MOV10L1: variants seen among roughly 807,000 people sequenced by gnomAD.
MOV10L1 encodes the protein Mov10 like RNA helicase 1.
In MOV10L1, 110 loss-of-function variants were observed where a neutral mutation model predicts 143.8. That is an observed-to-expected ratio of 0.76 (90% CI 0.66 to 0.90). The LOEUF is 0.90. MOV10L1 is among the 40% of genes least tolerant of loss of function. The pLI is 0.00. For synonymous variants in MOV10L1, 593 were observed against 581.1 expected, an observed-to-expected ratio of 1.02 and a Z score of -0.29; for missense variants, 1,406 against 1,526.8, an observed-to-expected ratio of 0.92 and a Z score of 1.32.
chr22:50,133,114 G>A (rs527869297), intron 13 of MOV10L1, among the ~76,000 whole-genome samples: 8 of 152,026 alleles, frequency 5.3e-5, no homozygotes, highest in African/African-American at 9.6e-5. Flanking sequence ...GCCTTCCTGC[G>A]CTGGTTGGAA....
In MOV10L1 at chr22:50,150,788, C is replaced by T. The variant is rs201424465; in HGVS notation, c.2781C>T (p.Leu927=). 81 of 1,614,176 alleles carry T rather than the reference C, an allele frequency of 5.0e-5. 1 individual carries two copies. In the Middle Eastern group the frequency reaches 8.2e-4, roughly 16 times the overall value. ...TCGGCCCAGTCATTAAGTCCAGACT[C>T]GCCATGGCCTATGGGCTGAACGTGT... ...MQLGPVIKSR[L]AMAYGLNVSF... is the part of the protein sequence containing the mutation. Residue 927 remains leucine, a synonymous_variant, in exon 21 of 27, where the codon CTC becomes CTT. Coordinates refer to ENST00000262794, the MANE Select transcript of MOV10L1 (RefSeq NM_018995.3).
Position 50,090,024 on chromosome 22 carries a change from G to GAGCGGCGCGGGCGCGTGCGGGCGGCGGC in MOV10L1, c.-57_-30dup, listed in dbSNP as rs968785695. The GAGCGGCGCGGGCGCGTGCGGGCGGCGGC allele has an allele frequency of 2.6e-6, 3 of 1,144,362 alleles. No individual in the cohort carries two copies. Among genetic ancestry groups the GAGCGGCGCGGGCGCGTGCGGGCGGCGGC allele is most frequent in the Non-Finnish European group, 3.2e-6 (3 of 928,708 alleles). 70.9% of individuals were successfully genotyped at this position (1,144,362 alleles called of 1,614,324 possible). ...CGACCCCATTGGTGGCGGGCGGCGG[G>GAGCGGCGCGGGCGCGTGCGGGCGGCGGC]AGCGGCGCGGGCGCGTGCGGGCGGC... On this transcript the variant is annotated 5_prime_UTR_variant, in exon 1 of 27. Coordinates refer to ENST00000262794, the MANE Select transcript of MOV10L1 (RefSeq NM_018995.3).
chr22:50,114,504 T>C lies in MOV10L1; in HGVS notation c.1008T>C (p.Ser336=). 1 of 1,614,246 alleles carries C rather than the reference T, an allele frequency of 6.2e-7. No individual in the cohort carries two copies. The highest frequency in any genetic ancestry group is 8.5e-7 in the Non-Finnish European group (1 of 1,180,050). ...TGTGCCCCGTGGTATCTTTTGTTTC[T>C]GTTCCTGAGAAGGAGAATTCATCAG... The part of the protein sequence containing the change: ...DQMCPVVSFV[S]VPEKENSSDE... Residue 336 remains serine (S), a synonymous_variant, in exon 7 of 27, where the codon TCT becomes TCC. Coordinates refer to ENST00000262794, the MANE Select transcript of MOV10L1 (RefSeq NM_018995.3).
At chr22:50,132,618 A>T (rs1264288901) in intron 13 of MOV10L1, among the ~76,000 whole-genome samples, 1 of 152,232 alleles carries the variant, frequency 6.6e-6, no homozygotes, top group East Asian at 1.9e-4. Context: ...TCTAGTATTT[A>T]TAAAAAGCAA....
intron 8 of MOV10L1, among the ~76,000 whole-genome samples, chr22:50,116,009 C>T (rs955344410): frequency 1.3e-5 from 2 of 152,210 alleles, no homozygotes; most frequent in African/African-American, 4.8e-5. Context: ...AGGCCCTGTC[C>T]TCCAGCTCCC....
rs527420954 is a variant in MOV10L1 at position 50,092,227 on chromosome 22, G to A, written c.282+42G>A. 9.0e-6 allele frequency: 14 copies of A among 1,558,554 alleles called. No individual in the cohort carries two copies. In the South Asian group the frequency reaches 9.4e-5, roughly 10 times the overall value. On this transcript the variant is annotated intron_variant, in intron 2 of 26. Transcript: ENST00000262794. ...TTTGGGAACAGTTTTTCTTCGCCAC[G>A]GGACTTTGTGTTGTTTTTCCTTGTG...
intron 19 of MOV10L1, among the ~76,000 whole-genome samples, chr22:50,147,566 C>T (rs540447801): frequency 0.022 from 3,285 of 148,080 alleles, 131 homozygotes; most frequent in African/African-American, 0.078. Context: ...TGCTGCAGGC[C>T]GCTCTCTCAG....
chr22:50,161,372 G>A lies in MOV10L1; in HGVS notation c.3559G>A (p.Gly1187Ser). Residue 1187 changes from glycine (G) to serine (S), a missense_variant, in exon 27 of 27, where the codon GGC becomes AGC. Coordinates refer to ENST00000262794, the MANE Select transcript of MOV10L1 (RefSeq NM_018995.3). ...PPALQSLQNCGEGVADPSYPV... is the reference protein window; with the variant it reads ...PPALQSLQNCSEGVADPSYPV... The stretch of plus-strand genomic sequence containing the variant: ...CCGCTTCTCCTCTGTCTACAGCTGT[G>A]GCGAGGGGGTGGCAGACCCCTCCTA... 6.3e-7 allele frequency: 1 copy of A among 1,594,680 alleles called. No homozygotes were observed. Among genetic ancestry groups the A allele is most frequent in the South Asian group, 1.1e-5 (1 of 88,088 alleles).
intron 15 of MOV10L1, among the ~76,000 whole-genome samples, chr22:50,140,103 A>C (rs2147328172): frequency 6.6e-6 from 1 of 152,348 alleles, no homozygotes; most frequent in South Asian, 2.1e-4. Flanking sequence ...GTGAATGGAT[A>C]AGCAAGTTGC....
intron 22 of MOV10L1, among the ~76,000 whole-genome samples, chr22:50,153,693 C>T (rs908814013): frequency 1.2e-4 from 18 of 152,202 alleles, no homozygotes; most frequent in Admixed American, 6.5e-5. Context: ...TGAGGAGTGA[C>T]GGGCCACCAC....
chr22:50,112,453 G>A (rs919643611), intron 5 of MOV10L1, among the ~76,000 whole-genome samples: 1 of 152,234 alleles, frequency 6.6e-6, no homozygotes, highest in African/African-American at 2.4e-5. Flanking sequence ...CCAGGGGCCT[G>A]AAGCGTGGCC....
chr22:50,116,004 C>T (rs568002869), intron 8 of MOV10L1, among the ~76,000 whole-genome samples: 1 of 152,318 alleles, frequency 6.6e-6, no homozygotes, highest in African/African-American at 2.4e-5. Flanking sequence ...CAAACAGGCC[C>T]TGTCCTCCAG....
Position 50,152,205 on chromosome 22 carries a change from G to A in MOV10L1, c.2893-840G>A, listed in dbSNP as rs9628293. Among the ~76,000 whole-genome samples the A allele has an allele frequency of 0.054, 8,231 of 152,302 alleles. 285 individuals are homozygous for A. Among genetic ancestry groups the A allele is most frequent in the African/African-American group, 0.083 (3,466 of 41,568 alleles). On this transcript the variant is annotated intron_variant, in intron 21 of 26. Transcript: ENST00000262794. This position sits in a 1 kb window ranked among gnomAD's most constrained non-coding sequence, Gnocchi z 4.4. ...TTTGTTAACTCATCCCAAGGAGGGAGAGCCCTAGGCTTGTTCTCCCCAGCA... is the reference window on the plus strand; with the variant it reads ...TTTGTTAACTCATCCCAAGGAGGGAAAGCCCTAGGCTTGTTCTCCCCAGCA...
chr22:50,102,360 C>G (rs2061767122), intron 3 of MOV10L1, among the ~76,000 whole-genome samples: 1 of 152,216 alleles, frequency 6.6e-6, no homozygotes, highest in Admixed American at 6.5e-5. Context: ...TAGCTGAAAG[C>G]AGACATAGCT....
At chr22:50,141,852 TTATTTC>T (rs1409944734) in intron 15 of MOV10L1, among the ~76,000 whole-genome samples, 2 of 152,192 alleles carry the variant, frequency 1.3e-5, no homozygotes, top group Admixed American at 6.5e-5. Flanking sequence ...AAATTTTAGT[TTATTTC>T]TAAAAGCAAG....
At chr22:50,143,690 T>A (rs1463735196) in intron 17 of MOV10L1, among the ~76,000 whole-genome samples, 1 of 152,212 alleles carries the variant, frequency 6.6e-6, no homozygotes, top group Non-Finnish European at 1.5e-5. Context: ...GCAGACTGAC[T>A]GGGGATGGTC....
chr22:50,157,275 C>G (rs575787517), intron 22 of MOV10L1, among the ~76,000 whole-genome samples: 3 of 152,262 alleles, frequency 2.0e-5, no homozygotes, highest in East Asian at 1.9e-4. Flanking sequence ...TTTTCTCCCC[C>G]CTCCGCAGAC....
At chr22:50,138,170 G>C (rs1183099463) in intron 15 of MOV10L1, among the ~76,000 whole-genome samples, 1 of 152,086 alleles carries the variant, frequency 6.6e-6, no homozygotes, top group East Asian at 1.9e-4. Context: ...AATGTTCTTT[G>C]CTTGTAAGAT....
chr22:50,149,642 G>T lies in MOV10L1; in HGVS notation c.2655G>T (p.Val885=). The T allele has an allele frequency of 6.2e-7, 1 of 1,614,140 alleles. No homozygotes were observed. The highest frequency in any genetic ancestry group is 8.5e-7 in the Non-Finnish European group (1 of 1,179,982). ...VRVGHFTHVF[V]DEAGQASEPE... ...TTGGGCACTTCACTCACGTGTTTGT[G>T]GACGAGGCTGGGCAGGCAAGTGAGC... The change falls in exon 20 of 27, where the codon GTG becomes GTT. Residue 885 remains valine (V), a synonymous_variant. Transcript: ENST00000262794.
Sources: gnomAD v4.1 joint callset for allele counts (sites outside exome capture counted in the v4.1 genomes callset) on GRCh38, gnomAD v4.1.1 for gene constraint, Gnocchi (gnomAD v3.1) non-coding constraint, MANE v1.5 for transcripts, NCBI Gene and HGNC (gene_info 2026-07-23, HGNC 2026-07-21) for gene names.